TENM2: variants seen among roughly 807,000 people sequenced by gnomAD.
TENM2 encodes the protein teneurin-2.
A neutral mutation model predicts 245.2 loss-of-function variants in TENM2; 52 were observed. The observed-to-expected ratio is 0.21, with a 90% confidence interval of 0.17 to 0.27. The LOEUF (loss-of-function observed/expected upper bound fraction) is 0.27. TENM2 is among the 10% of genes least tolerant of loss of function. The probability of loss-of-function intolerance (pLI) is 1.00; values close to 1 mark genes in which losing one functional copy is unlikely to be tolerated. For synonymous variants in TENM2, 1,363 were observed against 1,438.9 expected, an observed-to-expected ratio of 0.95 and a Z score of 1.19; for missense variants, 3,046 against 3,666.8, an observed-to-expected ratio of 0.83 and a Z score of 4.37.
chr5:167,778,394 C>T (rs1175617201), intron 2 of TENM2, among the ~76,000 whole-genome samples: 2 of 152,038 alleles, frequency 1.3e-5, no homozygotes, highest in Non-Finnish European at 2.9e-5. Flanking sequence ...GGGCACTGAG[C>T]CATTACAGAG....
At chr5:168,214,037 AG>A (rs1762991675) in intron 20 of TENM2, among the ~76,000 whole-genome samples, 1 of 152,248 alleles carries the variant, frequency 6.6e-6, no homozygotes, top group Non-Finnish European at 1.5e-5. Context: ...GTTTTGAGCC[AG>A]AAGGAACATT....
intron 2 of TENM2, among the ~76,000 whole-genome samples, chr5:167,519,047 T>C (rs1770585443): frequency 6.6e-6 from 1 of 152,190 alleles, no homozygotes; most frequent in South Asian, 2.1e-4. Flanking sequence ...CTAGTCCATA[T>C]CCTTTCCTCT....
intron 13 of TENM2, among the ~76,000 whole-genome samples, chr5:168,172,958 C>T (rs546216724): frequency 6.6e-5 from 10 of 152,102 alleles, no homozygotes; most frequent in South Asian, 2.1e-4. Flanking sequence ...GAGAAAACTG[C>T]GAGGTGTTCC....
intron 1 of TENM2, chr5:167,309,673 A>G (rs1042588639): frequency 6.6e-6 from 1 of 152,130 alleles, no homozygotes; most frequent in Non-Finnish European, 1.5e-5. Context: ...AAAAACACTT[A>G]AGGTTCATTT....
intron 2 of TENM2, among the ~76,000 whole-genome samples, chr5:167,739,321 A>G (rs1369904569): frequency 1.3e-5 from 2 of 152,202 alleles, no homozygotes; most frequent in Non-Finnish European, 2.9e-5. Flanking sequence ...GAAAAGCCAA[A>G]CCAGAATGGA....
At chr5:167,084,346 T>TAC in the TENM2 span, among the ~76,000 whole-genome samples, 2,126 of 101,556 alleles carry the variant, frequency 0.021, 178 homozygotes, top group African/African-American at 0.067. Context: ...TATATATATA[T>TAC]ATATATATAT....
chr5:167,273,392 T>C, the TENM2 span, among the ~76,000 whole-genome samples: 1 of 152,174 alleles, frequency 6.6e-6, no homozygotes, highest in Non-Finnish European at 1.5e-5. Flanking sequence ...TCCTTCCTAC[T>C]GCTTCAAGGC....
the TENM2 span, among the ~76,000 whole-genome samples, chr5:167,175,321 C>A: frequency 6.6e-6 from 1 of 152,170 alleles, no homozygotes; most frequent in African/African-American, 2.4e-5. Context: ...AAGTTTATAT[C>A]ATCAGTAATT....
intron 2 of TENM2, among the ~76,000 whole-genome samples, chr5:167,699,123 A>C (rs1162235598): frequency 6.6e-6 from 1 of 152,194 alleles, no homozygotes; most frequent in Admixed American, 6.5e-5. Context: ...GGCTTTGATT[A>C]GTAAAAAGAA....
intron 2 of TENM2, among the ~76,000 whole-genome samples, chr5:167,500,488 A>T (rs2127555955): frequency 6.6e-6 from 1 of 152,284 alleles, no homozygotes; most frequent in African/African-American, 2.4e-5. Context: ...AAAATTTTTA[A>T]AAAAATAAAA....
chr5:167,072,527 G>T, the TENM2 span, among the ~76,000 whole-genome samples: 1 of 152,356 alleles, frequency 6.6e-6, no homozygotes, highest in Non-Finnish European at 1.5e-5. Flanking sequence ...GGTAACAACA[G>T]TGACAAGGAC....
chr5:168,204,971 A>T (rs989972291), intron 19 of TENM2, among the ~76,000 whole-genome samples: 1 of 152,218 alleles, frequency 6.6e-6, no homozygotes, highest in Non-Finnish European at 1.5e-5. Flanking sequence ...TGTATTGAGC[A>T]CCTCTATCTG....
At chr5:167,147,936 G>A in the TENM2 span, among the ~76,000 whole-genome samples, 1 of 152,050 alleles carries the variant, frequency 6.6e-6, no homozygotes, top group African/African-American at 2.4e-5. Context: ...AGAGGAGAAC[G>A]ATTTCTGACT....
At chr5:168,213,023 G>T (rs1047787877) in intron 20 of TENM2, among the ~76,000 whole-genome samples, 1 of 152,224 alleles carries the variant, frequency 6.6e-6, no homozygotes, top group Admixed American at 6.5e-5. Flanking sequence ...GCACAGATGT[G>T]CAATGCCTTG....
chr5:167,666,107 T>C (rs1201532907), intron 2 of TENM2, among the ~76,000 whole-genome samples: 2 of 152,206 alleles, frequency 1.3e-5, no homozygotes, highest in Admixed American at 1.3e-4. Flanking sequence ...TTCCTTTTGC[T>C]GGGTACAGGG....
chr5:168,052,752 C>A (rs1390123560), intron 6 of TENM2, among the ~76,000 whole-genome samples: 1 of 151,954 alleles, frequency 6.6e-6, no homozygotes, highest in Non-Finnish European at 1.5e-5. Flanking sequence ...TAAGCCCTAC[C>A]ATTCTCGGTT....
chr5:167,900,145 TTTTGGAAA>T (rs1380025149), intron 3 of TENM2, among the ~76,000 whole-genome samples: 1 of 66,162 alleles, frequency 1.5e-5, no homozygotes, highest in African/African-American at 9.0e-5. Context: ...GGGGGGGGGG[TTTTGGAAA>T]GGAAAGGAAT....
intron 9 of TENM2, among the ~76,000 whole-genome samples, chr5:168,113,376 A>G (rs956679647): frequency 2.6e-5 from 4 of 152,176 alleles, no homozygotes; most frequent in African/African-American, 9.7e-5. Flanking sequence ...CAGACTTCAA[A>G]TAATTTTTTA....
chr5:167,565,512 G>A (rs145227661), intron 2 of TENM2, among the ~76,000 whole-genome samples: 2 of 152,160 alleles, frequency 1.3e-5, no homozygotes, highest in Non-Finnish European at 2.9e-5. Context: ...AGCAGCTTCC[G>A]GAACAACATT....
Sources: gnomAD v4.1 joint callset for allele counts (sites outside exome capture counted in the v4.1 genomes callset) on GRCh38, gnomAD v4.1.1 for gene constraint, MANE v1.5 for transcripts, NCBI Gene and HGNC (gene_info 2026-07-23, HGNC 2026-07-21) for gene names.